NOS1AP: variants seen among roughly 807,000 people sequenced by gnomAD.
NOS1AP encodes the protein nitric oxide synthase 1 adaptor protein.
A neutral mutation model predicts 56.2 loss-of-function variants in NOS1AP; 21 were observed. The ratio of observed to expected loss-of-function variants is 0.37; its 90% CI spans 0.26 to 0.54. The LOEUF is 0.54. Among genes scored for constraint, NOS1AP ranks in the 20% least tolerant of loss-of-function variants. NOS1AP has a pLI of 0.84. For missense variants in NOS1AP, 522 were observed against 657.8 expected (o/e 0.79, Z 2.26); for synonymous variants, 270 against 274.6 (o/e 0.98, Z 0.17).
At chr1:162,317,539 G>A (rs910461806) in intron 4 of NOS1AP, among the ~76,000 whole-genome samples, 4 of 152,078 alleles carry the variant, frequency 2.6e-5, no homozygotes, top group African/African-American at 9.7e-5. Context: ...GCTGATGAAG[G>A]GGAATTTGAA....
intron 2 of NOS1AP, among the ~76,000 whole-genome samples, chr1:162,267,489 G>T (rs911644940): frequency 4.8e-5 from 7 of 146,330 alleles, no homozygotes; most frequent in African/African-American, 1.7e-4. Flanking sequence ...GAAGGGCTGG[G>T]CACAGTGGCT....
At chr1:162,319,655 A>C (rs1253225967) in intron 4 of NOS1AP, among the ~76,000 whole-genome samples, 1 of 151,892 alleles carries the variant, frequency 6.6e-6, no homozygotes, top group African/African-American at 2.4e-5. Flanking sequence ...AGATCTGCTC[A>C]GCAGCCCTCC....
At chr1:162,352,063 C>CT (rs35244913) in intron 6 of NOS1AP, among the ~76,000 whole-genome samples, 54 of 149,816 alleles carry the variant, frequency 3.6e-4, no homozygotes, top group South Asian at 3.6e-3. Context: ...TCTTCGTCCT[C>CT]TTTTTTTTTT....
intron 1 of NOS1AP, among the ~76,000 whole-genome samples, chr1:162,099,334 C>T (rs1692326584): frequency 6.6e-6 from 1 of 152,018 alleles, no homozygotes. Context: ...ACTACAGGCG[C>T]CTGTCACTAC....
At position 162,367,653 on chromosome 1, in the gene NOS1AP, G is replaced by A. The variant is rs1417485650; in HGVS notation, c.*186G>A. On this transcript the variant is annotated 3_prime_UTR_variant, in exon 10 of 10. Transcript: ENST00000361897. This position sits in a 1 kb window ranked among gnomAD's most constrained non-coding sequence, Gnocchi z 6.5. ...GGAGGGTAAAGTGGGGAAGAAATCG[G>A]ATTCCCAGAGGTGAATCAGCTCCTC... 8 of 681,680 alleles carry A rather than the reference G, an allele frequency of 1.2e-5. No individual in the cohort carries two copies. Among genetic ancestry groups the A allele is most frequent in the Non-Finnish European group, 9.7e-6 (4 of 413,688 alleles). 42.2% of individuals were successfully genotyped at this position (681,680 alleles called of 1,614,324 possible).
chr1:162,181,487 T>C (rs895395446), intron 2 of NOS1AP, among the ~76,000 whole-genome samples: 4 of 152,242 alleles, frequency 2.6e-5, no homozygotes, highest in African/African-American at 7.2e-5. Context: ...TTTTACATTT[T>C]AGATAAGCTT....
intron 1 of NOS1AP, among the ~76,000 whole-genome samples, chr1:162,152,489 G>T (rs1424719372): frequency 6.6e-6 from 1 of 152,240 alleles, no homozygotes; most frequent in Non-Finnish European, 1.5e-5. Flanking sequence ...CTAGCTCTGG[G>T]TCGCTGTCTT....
At chr1:162,216,989 G>A (rs957271725) in intron 2 of NOS1AP, among the ~76,000 whole-genome samples, 22 of 152,140 alleles carry the variant, frequency 1.4e-4, no homozygotes, top group Admixed American at 3.3e-4. Flanking sequence ...TGCTGTTATC[G>A]TTTATAGAGG....
At chr1:162,288,316 C>G (rs1327286531) in intron 3 of NOS1AP, among the ~76,000 whole-genome samples, 3 of 152,172 alleles carry the variant, frequency 2.0e-5, no homozygotes, top group African/African-American at 7.2e-5. Flanking sequence ...TCATAGTCCT[C>G]CATAGACCTC....
At chr1:162,236,602 C>G (rs1653299522) in intron 2 of NOS1AP, among the ~76,000 whole-genome samples, 1 of 152,060 alleles carries the variant, frequency 6.6e-6, no homozygotes, top group Non-Finnish European at 1.5e-5. Context: ...CCTCTAGTCC[C>G]CTCTCTCCTC....
At chr1:162,300,036 G>A (rs1299193017) in intron 3 of NOS1AP, among the ~76,000 whole-genome samples, 1 of 152,148 alleles carries the variant, frequency 6.6e-6, no homozygotes, top group Non-Finnish European at 1.5e-5. Context: ...GGATGAATGT[G>A]TTCTTCCCTA....
intron 2 of NOS1AP, among the ~76,000 whole-genome samples, chr1:162,228,140 C>T (rs1376666141): frequency 1.3e-5 from 2 of 152,056 alleles, no homozygotes; most frequent in Non-Finnish European, 2.9e-5. Context: ...TGAGGAAGCA[C>T]GGAGAGATAA....
At chr1:162,302,555 C>G (rs1292567510) in intron 4 of NOS1AP, among the ~76,000 whole-genome samples, 1 of 152,180 alleles carries the variant, frequency 6.6e-6, no homozygotes, top group Non-Finnish European at 1.5e-5. Flanking sequence ...CTTATGGATG[C>G]TGATCATGAG....
chr1:162,325,560 C>T (rs907368911), intron 4 of NOS1AP, among the ~76,000 whole-genome samples: 2 of 152,140 alleles, frequency 1.3e-5, no homozygotes, highest in African/African-American at 4.8e-5. Context: ...ATCACATGGG[C>T]TGGGACGCTT....
chr1:162,297,486 C>T (rs1028587348), intron 3 of NOS1AP, among the ~76,000 whole-genome samples: 2 of 152,128 alleles, frequency 1.3e-5, no homozygotes, highest in African/African-American at 4.8e-5. Flanking sequence ...CCTCCCTGTG[C>T]CAGGCCTGAG....
intron 4 of NOS1AP, among the ~76,000 whole-genome samples, chr1:162,316,327 C>T (rs1656226921): frequency 6.6e-6 from 1 of 152,186 alleles, no homozygotes; most frequent in Non-Finnish European, 1.5e-5. Flanking sequence ...AGTCGAATGA[C>T]TTTGTTCAGC....
chr1:162,093,307 A>G (rs1372980445), intron 1 of NOS1AP, among the ~76,000 whole-genome samples: 2 of 152,216 alleles, frequency 1.3e-5, no homozygotes, highest in African/African-American at 4.8e-5. Context: ...ACTGTGCTAG[A>G]TGTTAGGGAC....
intron 6 of NOS1AP, among the ~76,000 whole-genome samples, chr1:162,346,027 C>G (rs347275): frequency 3.9e-5 from 6 of 152,244 alleles, no homozygotes; most frequent in African/African-American, 1.4e-4. Flanking sequence ...AGTGCCTGAG[C>G]GGATCAGAAT....
chr1:162,178,603 CCCT>C (rs1651146347), intron 2 of NOS1AP, among the ~76,000 whole-genome samples: 1 of 152,184 alleles, frequency 6.6e-6, no homozygotes, highest in Admixed American at 6.5e-5. Context: ...TTACACTCAT[CCCT>C]CCTGATGCCA....
Sources: gnomAD v4.1 joint callset for allele counts (sites outside exome capture counted in the v4.1 genomes callset) on GRCh38, gnomAD v4.1.1 for gene constraint, Gnocchi (gnomAD v3.1) non-coding constraint, MANE v1.5 for transcripts, NCBI Gene and HGNC (gene_info 2026-07-23, HGNC 2026-07-21) for gene names.